The following PLCZ1 variants were observed in gnomAD, a reference collection of about 807,000 sequenced individuals.
The protein encoded by PLCZ1 is phospholipase C zeta 1, also known as 1-phosphatidylinositol 4,5-bisphosphate phosphodiesterase zeta-1.
PLCZ1 carries 64 observed loss-of-function variants against 76.8 expected under a neutral mutation model. The observed-to-expected ratio is 0.83, with a 90% CI of 0.68 to 1.03. The LOEUF is 1.03. PLCZ1 is among the 50% of genes least tolerant of loss of function. The pLI, the probability that PLCZ1 is intolerant of heterozygous loss-of-function variation, is 0.00. For synonymous variants in PLCZ1, 248 were observed against 230.8 expected, an observed-to-expected ratio of 1.07 and a Z score of -0.68; for missense variants, 751 against 713.7, an observed-to-expected ratio of 1.05 and a Z score of -0.60.
chr12:18,680,524 A>C (rs554820393), downstream of PLCZ1, among the ~76,000 whole-genome samples: 1 of 152,160 alleles, frequency 6.6e-6, no homozygotes, highest in Non-Finnish European at 1.5e-5. Context: ...AGTCCAGATA[A>C]GTCTGGGTAG....
chr12:18,723,564 G>T, intron 3 of PLCZ1, 22 bp from the exon 4 acceptor site: 1 of 1,563,804 alleles, frequency 6.4e-7, no homozygotes, highest in Non-Finnish European at 8.8e-7. Context: ...ATGACTGGTG[G>T]GCTCACATTG....
intron 3 of PLCZ1, among the ~76,000 whole-genome samples, chr12:18,733,333 T>A (rs1959155441): frequency 6.6e-6 from 1 of 152,220 alleles, no homozygotes; most frequent in Non-Finnish European, 1.5e-5. Context: ...GTTGTGGGAT[T>A]CAATTTTGGA....
chr12:18,684,384 A>G (rs1952781683), intron 13 of PLCZ1, 105 bp from the exon 14 acceptor site: 1 of 1,090,500 alleles, frequency 9.2e-7, no homozygotes, highest in Middle Eastern at 3.1e-4. Flanking sequence ...CTTTAACAAT[A>G]ATATCTTGTG....
At chr12:18,685,869 CAT>C (rs370715879) in intron 13 of PLCZ1, among the ~76,000 whole-genome samples, 45,072 of 145,788 alleles carry the variant, frequency 0.31, 7,166 homozygotes, top group East Asian at 0.53. Context: ...CACACACACA[CAT>C]ACAATAATAT....
chr12:18,698,077 G>C (rs770528082), intron 10 of PLCZ1, among the ~76,000 whole-genome samples: 3 of 151,896 alleles, frequency 2.0e-5, no homozygotes, highest in Non-Finnish European at 4.4e-5. Context: ...ATGAGGACCT[G>C]TCCTCATGAA....
At chr12:18,721,844 C>T (rs1264623411) in intron 4 of PLCZ1, among the ~76,000 whole-genome samples, 1 of 151,950 alleles carries the variant, frequency 6.6e-6, no homozygotes, top group Non-Finnish European at 1.5e-5. Context: ...ACCAAATTGT[C>T]ACTAAGACTC....
chr12:18,657,212 T>C, the PLCZ1 span, among the ~76,000 whole-genome samples: 2 of 151,894 alleles, frequency 1.3e-5, no homozygotes, highest in Non-Finnish European at 2.9e-5. Flanking sequence ...AATAATAGAG[T>C]TGGAACAAAC....
chr12:18,719,438 A>G lies in PLCZ1; in HGVS notation c.562T>C (p.Tyr188His), dbSNP rs2137515880. ...TAAAAATAAAATAAATACCTTACAT[A>G]TCCCCAAAGGTCACTTGGTCCCAAT... ...QLLGPSDLWG[Y>H]VSALVKGCRC... The change falls in exon 5 of 15, where the codon TAT (tyrosine) becomes CAT (histidine). Residue 188 changes from tyrosine (Y) to histidine (H), a missense_variant. Transcript: ENST00000266505. 6.7e-7 allele frequency: 1 copy of G among 1,484,220 alleles called. No individual in the cohort carries two copies. The highest frequency in any genetic ancestry group is 2.2e-5 in the Admixed American group (1 of 44,834). 91.9% of individuals were successfully genotyped at this position (1,484,220 alleles called of 1,614,324 possible). A position where few individuals can be genotyped will look rare whatever the true frequency, so the allele number is the denominator to read the frequency against.
chr12:18,682,816 A>G (rs1035032724), downstream of PLCZ1, among the ~76,000 whole-genome samples: 4 of 152,048 alleles, frequency 2.6e-5, no homozygotes, highest in African/African-American at 9.7e-5. Context: ...GGGCCTGGCA[A>G]TCTAATTCCT....
chr12:18,690,718 GTC>G (rs1436806731), intron 12 of PLCZ1, among the ~76,000 whole-genome samples: 1 of 152,136 alleles, frequency 6.6e-6, no homozygotes, highest in African/African-American at 2.4e-5. Flanking sequence ...TGATTCCTAA[GTC>G]TTGAAAACTG....
At chr12:18,732,029 C>T (rs1040751465) in intron 3 of PLCZ1, among the ~76,000 whole-genome samples, 1 of 152,140 alleles carries the variant, frequency 6.6e-6, no homozygotes, top group Non-Finnish European at 1.5e-5. Flanking sequence ...AATTGACATA[C>T]AGAAAGCTAC....
chr12:18,703,554 A>G (rs1420806200), intron 7 of PLCZ1, among the ~76,000 whole-genome samples: 2 of 152,202 alleles, frequency 1.3e-5, no homozygotes, highest in Non-Finnish European at 2.9e-5. Flanking sequence ...CCCTGACTAA[A>G]TGACCTTAGA....
At chr12:18,734,363 T>G (rs1332185878) in intron 3 of PLCZ1, among the ~76,000 whole-genome samples, 1 of 152,144 alleles carries the variant, frequency 6.6e-6, no homozygotes, top group East Asian at 1.9e-4. Flanking sequence ...TTGTTGTTGT[T>G]GTTGTTTTGA....
At chr12:18,710,871 AAGTC>A (rs768344308) in intron 6 of PLCZ1, among the ~76,000 whole-genome samples, 10 of 152,294 alleles carry the variant, frequency 6.6e-5, no homozygotes, top group Non-Finnish European at 1.3e-4. Flanking sequence ...GATCATTAAA[AAGTC>A]AGGAAACAAC....
At position 18,729,654 on chromosome 12, in the gene PLCZ1, T is replaced by C. The variant is rs547742863; in HGVS notation, c.136-6112A>G. 1.4e-3 allele frequency among the ~76,000 whole-genome samples: 214 copies of C among 152,236 alleles called. 1 individual carries two copies. The highest frequency in any genetic ancestry group is 4.9e-3 in the African/African-American group (203 of 41,586). On this transcript the variant is annotated intron_variant, in intron 3 of 14. Transcript: ENST00000266505. Reference sequence around the variant, plus strand: ...TGTAATCCAACACTCATACTGTGTATTGAAATAACATATATTTCCTATAAA... The same window carrying C: ...TGTAATCCAACACTCATACTGTGTACTGAAATAACATATATTTCCTATAAA...
At chr12:18,648,214 A>G in the PLCZ1 span, 893 of 349,438 alleles carry the variant, frequency 2.6e-3, 2 homozygotes, top group Admixed American at 3.6e-3. Flanking sequence ...TTGTTTTTTC[A>G]TAATCTTTTC....
At chr12:18,679,522 C>A (rs1439176951), downstream of PLCZ1, among the ~76,000 whole-genome samples, 1 of 151,850 alleles carries the variant, frequency 6.6e-6, no homozygotes, top group Non-Finnish European at 1.5e-5. Flanking sequence ...AGATTAATAA[C>A]CCTGGTTCTG....
intron 12 of PLCZ1, among the ~76,000 whole-genome samples, chr12:18,691,380 G>C (rs536180078): frequency 6.6e-6 from 1 of 152,224 alleles, no homozygotes; most frequent in South Asian, 2.1e-4. Flanking sequence ...TATGCCTTTA[G>C]ATTCCCAAAA....
chr12:18,683,410 T>C, intron 14 of PLCZ1, 86 bp from the exon 15 acceptor site: 2 of 1,468,490 alleles, frequency 1.4e-6, no homozygotes, highest in Non-Finnish European at 1.9e-6. Flanking sequence ...AAGAGCTCTT[T>C]ACTAAGCCTA....
Sources: allele counts gnomAD v4.1 joint callset (sites outside exome capture counted in the v4.1 genomes callset), GRCh38; gene constraint gnomAD v4.1.1; transcripts MANE v1.5; gene names NCBI Gene and HGNC (gene_info 2026-07-23, HGNC 2026-07-21).